PDE4D: variants seen among roughly 807,000 people sequenced by gnomAD.
PDE4D encodes the protein phosphodiesterase 4D.
A neutral mutation model predicts 87.4 loss-of-function variants in PDE4D; 24 were observed. That is an observed-to-expected ratio of 0.27 (90% CI 0.20 to 0.39). The LOEUF (loss-of-function observed/expected upper bound fraction) is 0.39. Ranked by LOEUF, PDE4D falls within the 10% of genes least tolerant of loss-of-function variation. The probability of loss-of-function intolerance (pLI) is 1.00; values close to 1 mark genes in which losing one functional copy is unlikely to be tolerated. For missense variants in PDE4D, 714 were observed against 1,041.0 expected, an observed-to-expected ratio of 0.69 and a Z score of 4.32; for synonymous variants, 384 against 383.2, an observed-to-expected ratio of 1.00 and a Z score of -0.02.
chr5:59,724,951 T>A (rs1344321703), intron 1 of PDE4D, among the ~76,000 whole-genome samples: 1 of 152,158 alleles, frequency 6.6e-6, no homozygotes, highest in African/African-American at 2.4e-5. Context: ...TGCTTTTCAT[T>A]TATTTTGTCA....
At chr5:60,037,798 C>A (rs956273939) in intron 2 of PDE4D, among the ~76,000 whole-genome samples, 12 of 152,142 alleles carry the variant, frequency 7.9e-5, no homozygotes, top group Admixed American at 2.0e-4. Flanking sequence ...AAGCAGACAA[C>A]TTTTATTCTG....
intron 1 of PDE4D, chr5:59,586,376 G>T: frequency 1.2e-6 from 2 of 1,612,260 alleles, no homozygotes; most frequent in Non-Finnish European, 8.5e-7. Context: ...CGTGCATCAT[G>T]TTCGCAGATC....
intron 1 of PDE4D, among the ~76,000 whole-genome samples, chr5:59,286,262 A>G (rs1766937409): frequency 6.6e-6 from 1 of 152,200 alleles, no homozygotes; most frequent in African/African-American, 2.4e-5. Flanking sequence ...GATGTTCCAC[A>G]TGTTCTCTCA....
chr5:60,038,912 G>C (rs561318167), intron 2 of PDE4D, among the ~76,000 whole-genome samples: 1 of 151,334 alleles, frequency 6.6e-6, no homozygotes, highest in East Asian at 1.9e-4. Flanking sequence ...AGTTAGAATG[G>C]TGATCATTAA....
At chr5:60,509,790 A>T (rs1750489983) in intron 1 of PDE4D, among the ~76,000 whole-genome samples, 1 of 152,266 alleles carries the variant, frequency 6.6e-6, no homozygotes, top group African/African-American at 2.4e-5. Flanking sequence ...CTAGAAGGCT[A>T]CACTCTTTGG....
intron 1 of PDE4D, among the ~76,000 whole-genome samples, chr5:59,444,877 T>G (rs970165137): frequency 2.6e-5 from 4 of 152,152 alleles, no homozygotes; most frequent in African/African-American, 9.7e-5. Flanking sequence ...AGCTATCTCC[T>G]TCAGATGGGG....
At chr5:59,608,841 G>A (rs1828593369) in intron 1 of PDE4D, among the ~76,000 whole-genome samples, 1 of 152,118 alleles carries the variant, frequency 6.6e-6, no homozygotes, top group African/African-American at 2.4e-5. Flanking sequence ...ATGAAAGACT[G>A]TGTTTGACTT....
intron 1 of PDE4D, among the ~76,000 whole-genome samples, chr5:59,259,825 A>G (rs1470587680): frequency 1.3e-5 from 2 of 151,790 alleles, no homozygotes; most frequent in Admixed American, 6.6e-5. Context: ...TAAGGGACCA[A>G]TTATTTTCTA....
chr5:59,821,773 T>G (rs182538798), intron 1 of PDE4D, among the ~76,000 whole-genome samples: 177 of 152,310 alleles, frequency 1.2e-3, no homozygotes, highest in African/African-American at 4.0e-3. Flanking sequence ...CATTTCCAAT[T>G]TCTACGGTGT....
intron 2 of PDE4D, among the ~76,000 whole-genome samples, chr5:60,046,120 T>C (rs974575452): frequency 6.6e-6 from 1 of 152,200 alleles, no homozygotes; most frequent in Non-Finnish European, 1.5e-5. Context: ...TTTATTCTCT[T>C]TGAAGCAATT....
rs1743406197 is a variant in PDE4D, at chr5:58,975,189, A to C, written c.2014-109T>G. On this transcript the variant is annotated intron_variant, in intron 14 of 14. Transcript: ENST00000340635. The surrounding 1 kb of genome is among the most constrained non-coding windows in gnomAD (Gnocchi z 4.2). ...ATAAAACACTGAACAGAAGACTACT[A>C]AACTTAGTTTGGTAAAATTGTCACT... 2 of 597,966 alleles carry C rather than the reference A, an allele frequency of 3.3e-6. No individual in the cohort carries two copies. The highest frequency in any genetic ancestry group is 5.3e-6 in the Non-Finnish European group (2 of 376,710). The allele number at this position is 597,966 out of a possible 1,614,324, so 37.0% of individuals were successfully genotyped here.
chr5:59,004,037 T>C (rs1394171798), intron 6 of PDE4D, among the ~76,000 whole-genome samples: 2 of 152,280 alleles, frequency 1.3e-5, no homozygotes, highest in Non-Finnish European at 2.9e-5. Context: ...ACTTTTTACT[T>C]TTTATAACAA....
intron 2 of PDE4D, among the ~76,000 whole-genome samples, chr5:60,131,134 G>C (rs936457191): frequency 7.9e-5 from 12 of 152,040 alleles, no homozygotes; most frequent in African/African-American, 2.9e-4. Context: ...CTTTCCAAGA[G>C]ATTTTCCTAA....
At chr5:60,449,407 A>G (rs915347569) in intron 1 of PDE4D, among the ~76,000 whole-genome samples, 4 of 147,772 alleles carry the variant, frequency 2.7e-5, no homozygotes, top group African/African-American at 1.0e-4. Context: ...AAAACCAAAC[A>G]CCGCATATTC....
chr5:59,886,117 T>C (rs1449874408), intron 1 of PDE4D, among the ~76,000 whole-genome samples: 2 of 152,188 alleles, frequency 1.3e-5, no homozygotes, highest in East Asian at 1.9e-4. Context: ...TCACCACTTA[T>C]TAAAAATCTA....
intron 1 of PDE4D, among the ~76,000 whole-genome samples, chr5:60,504,493 T>C (rs957708748): frequency 2.0e-5 from 3 of 152,148 alleles, no homozygotes; most frequent in African/African-American, 7.2e-5. Context: ...GTGCACTGTA[T>C]TGTCCCTCAG....
intron 2 of PDE4D, among the ~76,000 whole-genome samples, chr5:60,141,092 T>G (rs1780497645): frequency 6.6e-6 from 1 of 152,146 alleles, no homozygotes; most frequent in African/African-American, 2.4e-5. Context: ...TCTTTGGATA[T>G]CAGTTTCATA....
intron 1 of PDE4D, among the ~76,000 whole-genome samples, chr5:59,260,319 T>C (rs1284189533): frequency 6.6e-6 from 1 of 151,892 alleles, no homozygotes; most frequent in Non-Finnish European, 1.5e-5. Context: ...TTACAGGGTA[T>C]GTCACACCTA....
At chr5:59,965,623 C>T (rs932557554) in intron 3 of PDE4D, among the ~76,000 whole-genome samples, 1 of 152,156 alleles carries the variant, frequency 6.6e-6, no homozygotes, top group African/African-American at 2.4e-5. Flanking sequence ...GCATTATAAC[C>T]ACTTCACCTC....
Sources: gnomAD v4.1 joint callset for allele counts (sites outside exome capture counted in the v4.1 genomes callset) on GRCh38, gnomAD v4.1.1 for gene constraint, Gnocchi (gnomAD v3.1) non-coding constraint, MANE v1.5 for transcripts, NCBI Gene and HGNC (gene_info 2026-07-23, HGNC 2026-07-21) for gene names.